Variants in RWDD4 observed in about 807,000 individuals in gnomAD.
RWDD4 encodes the protein RWD domain containing 4.
A neutral mutation model predicts 30.0 loss-of-function variants in RWDD4; 16 were observed. The ratio of observed to expected loss-of-function variants is 0.53; its 90% confidence interval spans 0.36 to 0.81. The LOEUF is 0.81. Ranked by LOEUF, RWDD4 falls within the 30% of genes least tolerant of loss-of-function variation. The pLI is 0.00. For missense variants in RWDD4, 170 were observed against 223.9 expected, an observed-to-expected ratio of 0.76 and a Z score of 1.54; for synonymous variants, 45 against 72.1, an observed-to-expected ratio of 0.62 and a Z score of 1.90.
At chr4:183,650,661 T>A (rs1276903587) in intron 4 of RWDD4, among the ~76,000 whole-genome samples, 1 of 152,204 alleles carries the variant, frequency 6.6e-6, no homozygotes, top group Non-Finnish European at 1.5e-5. Context: ...TAGCACTGCA[T>A]AAGAGATCCC....
In RWDD4 at chr4:183,652,361, C is replaced by CTTTTTTTTT. The variant is rs59841926; in HGVS notation, c.106-1043_106-1035dup. Among the ~76,000 whole-genome samples the CTTTTTTTTT allele has an allele frequency of 2.2e-4, 27 of 123,284 alleles. 1 individual carries two copies. Among genetic ancestry groups the CTTTTTTTTT allele is most frequent in the African/African-American group, 6.7e-4 (21 of 31,308 alleles). 80.9% of individuals were successfully genotyped at this position (123,284 alleles called of 152,430 possible). On this transcript the variant is annotated intron_variant, in intron 2 of 7. Transcript: ENST00000326397. The stretch of plus-strand genomic sequence containing the variant: ...AACAGTCCCCAGCCCTCTCCCCTGG[C>CTTTTTTTTT]TTTTTTTTTTTTTTTTTGAGACAGG...
chr4:183,645,789 A>G (rs549857254), intron 7 of RWDD4, among the ~76,000 whole-genome samples: 1 of 152,158 alleles, frequency 6.6e-6, no homozygotes, highest in Non-Finnish European at 1.5e-5. Flanking sequence ...CAAAAACTTA[A>G]AAGTAATTTC....
intron 5 of RWDD4, among the ~76,000 whole-genome samples, chr4:183,648,318 C>T (rs1259054948): frequency 6.6e-6 from 1 of 151,224 alleles, no homozygotes; most frequent in East Asian, 1.9e-4. Flanking sequence ...AACTTTTTAA[C>T]CTGACATAGT....
intron 1 of RWDD4, among the ~76,000 whole-genome samples, chr4:183,656,957 C>T (rs746473126): frequency 2.0e-4 from 30 of 152,166 alleles, no homozygotes; most frequent in Non-Finnish European, 3.5e-4. Context: ...ACCCAGGAGG[C>T]GGAGGTTGCA....
intron 5 of RWDD4, among the ~76,000 whole-genome samples, chr4:183,648,689 C>T (rs1290167828): frequency 6.6e-6 from 1 of 152,084 alleles, no homozygotes; most frequent in East Asian, 1.9e-4. Flanking sequence ...AAGAGGTAAA[C>T]AAATCCCAAA....
intron 2 of RWDD4, among the ~76,000 whole-genome samples, chr4:183,655,531 A>T (rs563838405): frequency 6.6e-6 from 1 of 151,696 alleles, no homozygotes; most frequent in Non-Finnish European, 1.5e-5. Flanking sequence ...TGATCCGCCC[A>T]CCTTGGCCTC....
At chr4:183,643,475 A>G (rs1733909844) in intron 7 of RWDD4, among the ~76,000 whole-genome samples, 1 of 146,840 alleles carries the variant, frequency 6.8e-6, no homozygotes, top group Admixed American at 7.0e-5. Flanking sequence ...TCATCTTACT[A>G]TTACGATGCA....
chr4:183,657,271 A>G (rs1579134354), intron 1 of RWDD4, among the ~76,000 whole-genome samples: 1 of 152,336 alleles, frequency 6.6e-6, no homozygotes, highest in South Asian at 2.1e-4. Flanking sequence ...CAAAATACAG[A>G]AATTCAAGCC....
chr4:183,650,068 T>C (rs1255605182), intron 4 of RWDD4, among the ~76,000 whole-genome samples: 1 of 152,188 alleles, frequency 6.6e-6, no homozygotes, highest in African/African-American at 2.4e-5. Flanking sequence ...AAATGTAAAA[T>C]GCTTACTAGG....
intron 1 of RWDD4, among the ~76,000 whole-genome samples, chr4:183,657,455 G>C (rs1301952288): frequency 6.6e-6 from 1 of 152,176 alleles, no homozygotes; most frequent in Non-Finnish European, 1.5e-5. Flanking sequence ...AGTGAATAAT[G>C]CTGATGGCTG....
In RWDD4 at chr4:183,641,114, T is replaced by C. The variant is rs3186086; in HGVS notation, c.*322A>G. ...AGGGCTTCATACTCCTTTAAGAAAA[T>C]AGCACATCCACCAGGATAAGATCAT... On this transcript the variant is annotated 3_prime_UTR_variant, in exon 8 of 8. Transcript: ENST00000326397. 0.05 allele frequency: 16,685 copies of C among 336,178 alleles called. 285 individuals are homozygous for C. Among genetic ancestry groups the C allele is most frequent in the East Asian group, 0.078 (1,003 of 12,808 alleles). The allele number at this position is 336,178 out of a possible 1,614,324, so 20.8% of individuals were successfully genotyped here. A position where few individuals can be genotyped will look rare whatever the true frequency, so the allele number is the denominator to read the frequency against.
chr4:183,641,318 C>T lies in RWDD4; in HGVS notation c.*118G>A, dbSNP rs2111224323. On this transcript the variant is annotated 3_prime_UTR_variant, in exon 8 of 8. Transcript: ENST00000326397. ...CTTACAACCTTTTTAATGTAAGAAA[C>T]ATACAAAAAATTGTGTTTTATAAAA... The T allele has an allele frequency of 1.3e-6, 1 of 791,310 alleles. No homozygotes were observed. The highest frequency in any genetic ancestry group is 2.2e-6 in the Non-Finnish European group (1 of 456,572). The allele number at this position is 791,310 out of a possible 1,614,324, so 49.0% of individuals were successfully genotyped here. A position where few individuals can be genotyped will look rare whatever the true frequency, so the allele number is the denominator to read the frequency against.
At chr4:183,641,778 T>C (rs1733860925) in intron 7 of RWDD4, among the ~76,000 whole-genome samples, 1 of 152,178 alleles carries the variant, frequency 6.6e-6, no homozygotes, top group Non-Finnish European at 1.5e-5. Context: ...ATCTATAAAA[T>C]GAATGACACT....
At position 183,650,999 on chromosome 4, in the gene RWDD4, A is replaced by G. The variant is rs1293644003; in HGVS notation, c.348T>C (p.Asn116=). 20 of 1,611,020 alleles carry G rather than the reference A, an allele frequency of 1.2e-5. No homozygotes were observed. The highest frequency in any genetic ancestry group is 1.6e-5 in the Non-Finnish European group (19 of 1,179,434). The change falls in exon 4 of 8, where the codon AAT becomes AAC. Residue 116 remains asparagine, a synonymous_variant. Coordinates refer to ENST00000326397, the MANE Select transcript of RWDD4 (RefSeq NM_152682.4). ...ACATACTCACTGCGGAATTGATGGG[A>G]TTGTGATTCTCCATGAACTGCTCTT... The part of the protein sequence containing the change: ...DNKEQFMENH[N]PINSATSISN...
In RWDD4 at chr4:183,655,483, A is replaced by G. The variant is rs528570086; in HGVS notation, c.105+398T>C. Among the ~76,000 whole-genome samples, 45 of 151,820 alleles carry G rather than the reference A, an allele frequency of 3.0e-4. 1 individual carries two copies. Among genetic ancestry groups the G allele is most frequent in the Non-Finnish European group, 4.3e-4 (29 of 67,944 alleles). On this transcript the variant is annotated intron_variant, in intron 2 of 7. Transcript: ENST00000326397. ...TTTTTAGTAGAGACAGTGGGGTTTC[A>G]CCATGTTGGCCAGGATGGTCTCGAT...
In RWDD4 at chr4:183,646,488, C is replaced by T; in HGVS notation, c.531G>A (p.Lys177=). ...PRGWNWVDVV[K]HLSKTGSKDD... ...AGACTAGAATATAAATGTTATATAC[C>T]TTCACAACATCAACCCAGTTCCAGC... The change falls in exon 6 of 8, where the codon AAG becomes AAA. Residue 177 remains lysine, a splice_region_variant and synonymous_variant. Transcript: ENST00000326397. The T allele has an allele frequency of 1.9e-6, 3 of 1,612,002 alleles. No individual in the cohort carries two copies. The highest frequency in any genetic ancestry group is 2.5e-6 in the Non-Finnish European group (3 of 1,179,434).
chr4:183,658,897 G>C, intron 1 of RWDD4, 32 bp downstream of exon 1: 2 of 1,246,784 alleles, frequency 1.6e-6, no homozygotes, highest in Non-Finnish European at 1.0e-6. Flanking sequence ...CCGCGCCCGC[G>C]CTGGGAGAGG....
At position 183,652,440 on chromosome 4, in the gene RWDD4, G is replaced by A. The variant is rs546175703; in HGVS notation, c.106-1113C>T. 2.3e-3 allele frequency among the ~76,000 whole-genome samples: 331 copies of A among 145,380 alleles called. 2 individuals are homozygous for A. The highest frequency in any genetic ancestry group is 4.1e-3 in the South Asian group (18 of 4,396). The stretch of plus-strand genomic sequence containing the variant: ...CAGCTGATCACGGGGCGGTCACAGC[G>A]AGCTGAGATCGTGCCATTGCACTCC... On this transcript the variant is annotated intron_variant, in intron 2 of 7. Coordinates refer to ENST00000326397, the MANE Select transcript of RWDD4 (RefSeq NM_152682.4).
intron 2 of RWDD4, among the ~76,000 whole-genome samples, chr4:183,654,288 T>A (rs1022347092): frequency 6.6e-6 from 1 of 152,126 alleles, no homozygotes; most frequent in Non-Finnish European, 1.5e-5. Context: ...AAGAAGAGAA[T>A]GGGATGACAA....
Sources: gnomAD v4.1 joint callset for allele counts (sites outside exome capture counted in the v4.1 genomes callset) on GRCh38, gnomAD v4.1.1 for gene constraint, MANE v1.5 for transcripts, NCBI Gene and HGNC (gene_info 2026-07-23, HGNC 2026-07-21) for gene names.